The following DNAH6 variants were observed in gnomAD, a reference collection of about 807,000 sequenced individuals.
The protein encoded by DNAH6 is dynein axonemal heavy chain 6.
A neutral mutation model predicts 491.4 loss-of-function variants in DNAH6; 340 were observed. That is an observed-to-expected ratio of 0.69 (90% confidence interval 0.63 to 0.76). The LOEUF (loss-of-function observed/expected upper bound fraction) is 0.76, where lower values mean the gene tolerates loss of function less well. Among genes scored for constraint, DNAH6 ranks in the 30% least tolerant of loss-of-function variants. The pLI, the probability that DNAH6 is intolerant of heterozygous loss-of-function variation, is 0.00. For synonymous variants in DNAH6, 1,603 were observed against 1,686.1 expected (o/e 0.95, Z 1.21); for missense variants, 4,443 against 4,972.2 (o/e 0.89, Z 3.20).
chr2:84,485,704 C>T, the DNAH6 span, among the ~76,000 whole-genome samples: 1 of 151,914 alleles, frequency 6.6e-6, no homozygotes, highest in Non-Finnish European at 1.5e-5. Flanking sequence ...CAATTATGTG[C>T]CCAGTTCAGT....
At chr2:84,561,624 AT>A (rs1180676620) in intron 11 of DNAH6, among the ~76,000 whole-genome samples, 1 of 152,184 alleles carries the variant, frequency 6.6e-6, no homozygotes, top group Admixed American at 6.5e-5. Flanking sequence ...ATGGGAGAAA[AT>A]TTTCACAACC....
At chr2:84,677,408 C>A (rs1407302149) in intron 41 of DNAH6, among the ~76,000 whole-genome samples, 5 of 152,138 alleles carry the variant, frequency 3.3e-5, no homozygotes, top group African/African-American at 1.2e-4. Context: ...ATCTTAGGTC[C>A]CTGCCACTTA....
In DNAH6 at chr2:84,625,613, A is replaced by T. The variant is rs914342479; in HGVS notation, c.4515+550A>T. Among the ~76,000 whole-genome samples the T allele has an allele frequency of 7.2e-5, 11 of 152,308 alleles. No individual in the cohort carries two copies. The East Asian group carries it at 1.9e-3, about 27-fold the overall frequency. On this transcript the variant is annotated intron_variant, in intron 29 of 76. Coordinates refer to ENST00000389394, the MANE Select transcript of DNAH6 (RefSeq NM_001370.2). ...GAAAAAATTAAGTAAAATATGTTTT[A>T]TATATTTATTTGTTAAAAAAATAAC...
chr2:84,476,701 T>C, the DNAH6 span, among the ~76,000 whole-genome samples: 1 of 152,280 alleles, frequency 6.6e-6, no homozygotes, highest in South Asian at 2.1e-4. Flanking sequence ...GTTTTTAAAA[T>C]CTCTGCCAAT....
rs1450271984 is a variant in DNAH6 at position 84,607,068 on chromosome 2, A to C, written c.3267A>C (p.Lys1089Asn). 2 of 1,551,482 alleles carry C rather than the reference A, an allele frequency of 1.3e-6. No homozygotes were observed. The highest frequency in any genetic ancestry group is 1.7e-6 in the Non-Finnish European group (2 of 1,146,784). ...AAACTCGAGTGGATGAATGGCAAAAACAACTTGCTTTATTTAATCAAACAC... is the reference window on the plus strand; with the variant it reads ...AAACTCGAGTGGATGAATGGCAAAACCAACTTGCTTTATTTAATCAAACAC... ...PLKTRVDEWQ[K>N]QLALFNQTLE... Residue 1089 changes from lysine (K) to asparagine (N), a missense_variant, in exon 21 of 77, where the codon AAA (lysine) becomes AAC (asparagine). Coordinates refer to ENST00000389394, the MANE Select transcript of DNAH6 (RefSeq NM_001370.2).
the DNAH6 span, among the ~76,000 whole-genome samples, chr2:84,478,111 A>G: frequency 6.6e-6 from 1 of 152,234 alleles, no homozygotes; most frequent in Non-Finnish European, 1.5e-5. Context: ...TCATAAAACC[A>G]GCAGAGGGAT....
intron 10 of DNAH6, among the ~76,000 whole-genome samples, chr2:84,553,976 G>T (rs1418058780): frequency 1.7e-4 from 26 of 152,144 alleles, no homozygotes; most frequent in Non-Finnish European, 1.5e-5. Context: ...CCCTCAGGCT[G>T]CTGGAAGAAT....
At chr2:84,744,698 G>A (rs959664657) in intron 62 of DNAH6, among the ~76,000 whole-genome samples, 7 of 151,848 alleles carry the variant, frequency 4.6e-5, no homozygotes, top group African/African-American at 1.7e-4. Context: ...TTATGGATTT[G>A]TTATTTTTAT....
At chr2:84,705,432 TG>T in intron 51 of DNAH6, 53 bp from the exon 52 acceptor site, 1 of 1,408,060 alleles carries the variant, frequency 7.1e-7, no homozygotes, top group South Asian at 1.5e-5. Flanking sequence ...TACATTCTTT[TG>T]TTCTTATATT....
intron 4 of DNAH6, among the ~76,000 whole-genome samples, chr2:84,534,049 A>T (rs7596958): frequency 6.6e-6 from 1 of 152,204 alleles, no homozygotes; most frequent in Admixed American, 6.6e-5. Context: ...TTAATTTTTT[A>T]AAATTATGAC....
At chr2:84,558,083 A>G (rs964557560) in intron 11 of DNAH6, 148 bp downstream of exon 11, 2 of 546,708 alleles carry the variant, frequency 3.7e-6, no homozygotes, top group Non-Finnish European at 6.0e-6. Flanking sequence ...TTTGAAAATA[A>G]TATTTGTTCT....
At chr2:84,813,922 G>A (rs1680243952) in intron 74 of DNAH6, 49 bp from the exon 75 acceptor site, 2 of 1,541,064 alleles carry the variant, frequency 1.3e-6, no homozygotes, top group Middle Eastern at 1.7e-4. Flanking sequence ...TAGTGCCTGG[G>A]GAGTAGCAGT....
At chr2:84,709,991 G>A (rs1696877108) in intron 55 of DNAH6, among the ~76,000 whole-genome samples, 1 of 152,168 alleles carries the variant, frequency 6.6e-6, no homozygotes, top group South Asian at 2.1e-4. Context: ...TACTAAATAG[G>A]GTTTGGAAGA....
At chr2:84,687,663 C>T (rs1694406634) in intron 44 of DNAH6, among the ~76,000 whole-genome samples, 1 of 152,132 alleles carries the variant, frequency 6.6e-6, no homozygotes, top group Non-Finnish European at 1.5e-5. Flanking sequence ...ACTCTTCTTG[C>T]ATTGCCTCTG....
chr2:84,545,281 A>G (rs181777757), intron 5 of DNAH6, among the ~76,000 whole-genome samples: 11 of 152,320 alleles, frequency 7.2e-5, no homozygotes, highest in Admixed American at 1.3e-4. Flanking sequence ...TAACATAAAT[A>G]TTAGTACAAG....
At chr2:84,808,113 A>G (rs75770515) in intron 71 of DNAH6, among the ~76,000 whole-genome samples, 83 of 147,028 alleles carry the variant, frequency 5.6e-4, no homozygotes, top group Non-Finnish European at 9.5e-4. Flanking sequence ...AATGTTTGAG[A>G]AAAAAAAGTG....
chr2:84,667,998 C>A (rs1464455732), intron 37 of DNAH6, among the ~76,000 whole-genome samples: 1 of 152,058 alleles, frequency 6.6e-6, no homozygotes, highest in Non-Finnish European at 1.5e-5. Context: ...GACAGAAAAC[C>A]AAACACCACA....
chr2:84,816,116 G>T, intron 76 of DNAH6, 33 bp downstream of exon 76: 2 of 1,483,416 alleles, frequency 1.3e-6, no homozygotes, highest in South Asian at 1.2e-5. Flanking sequence ...TTCAAATAAT[G>T]ACCAAATGCA....
intron 20 of DNAH6, among the ~76,000 whole-genome samples, chr2:84,606,484 A>G (rs185212608): frequency 1.6e-4 from 24 of 152,228 alleles, no homozygotes; most frequent in Admixed American, 1.4e-3. Flanking sequence ...GTAGTAGGGG[A>G]GGGAGGTGGA....
Sources: allele counts gnomAD v4.1 joint callset (sites outside exome capture counted in the v4.1 genomes callset), GRCh38; gene constraint gnomAD v4.1.1; transcripts MANE v1.5; gene names NCBI Gene and HGNC (gene_info 2026-07-23, HGNC 2026-07-21).